RAB5C: variants seen among roughly 807,000 people sequenced by gnomAD.
The protein encoded by RAB5C is RAB5C, member RAS oncogene family.
RAB5C carries 4 observed loss-of-function variants against 25.2 expected under a neutral mutation model. The ratio of observed to expected loss-of-function variants is 0.16; its 90% CI spans 0.08 to 0.36. The LOEUF (loss-of-function observed/expected upper bound fraction) is 0.36. Ranked by LOEUF, RAB5C falls within the 10% of genes least tolerant of loss-of-function variation. The pLI is 1.00. For synonymous variants in RAB5C, 100 were observed against 106.4 expected (o/e 0.94, Z 0.37); for missense variants, 199 against 283.8 (o/e 0.70, Z 2.15).
chr17:42,131,568 G>A, intron 1 of RAB5C: 1 of 1,512,096 alleles, frequency 6.6e-7, no homozygotes, highest in Non-Finnish European at 8.9e-7. Flanking sequence ...CTCTGCCACA[G>A]TCAGCACAGC....
intron 1 of RAB5C, among the ~76,000 whole-genome samples, chr17:42,144,925 C>CAAAAAAAAAAA (rs544870361): frequency 1.6e-4 from 5 of 31,104 alleles, no homozygotes; most frequent in Non-Finnish European, 3.3e-4. Context: ...GACTCCGTCT[C>CAAAAAAAAAAA]AAAAAAAAAA....
intron 1 of RAB5C, 146 bp downstream of exon 1, chr17:42,154,747 C>A (rs1240415988): frequency 6.6e-6 from 1 of 152,412 alleles, no homozygotes; most frequent in East Asian, 1.9e-4. Flanking sequence ...TCCTATGGCC[C>A]GACGCCTGGG....
At chr17:42,126,460 G>A (rs149565089) in intron 5 of RAB5C, 63 of 204,404 alleles carry the variant, frequency 3.1e-4, no homozygotes, top group South Asian at 3.4e-4. Context: ...GTGAAACCCC[G>A]TCTCTACCAA....
chr17:42,125,696 C>A lies in RAB5C; in HGVS notation c.*87G>T, dbSNP rs1229402406. On this transcript the variant is annotated 3_prime_UTR_variant, in exon 6 of 6. Coordinates refer to ENST00000346213, the MANE Select transcript of RAB5C (RefSeq NM_004583.4). ...TCCCCCTGCCCCCCCAGTGGTGGCC[C>A]GAGTCGTTAAGTGCGATTGGTTAGA... 11 of 919,588 alleles carry A rather than the reference C, an allele frequency of 1.2e-5. No homozygotes were observed. Among genetic ancestry groups the A allele is most frequent in the East Asian group, 2.7e-5 (1 of 37,628 alleles). 57.0% of individuals were successfully genotyped at this position (919,588 alleles called of 1,614,324 possible). A position where few individuals can be genotyped will look rare whatever the true frequency, so the allele number is the denominator to read the frequency against.
At chr17:42,141,557 A>T (rs997919467) in intron 1 of RAB5C, among the ~76,000 whole-genome samples, 2 of 152,132 alleles carry the variant, frequency 1.3e-5, no homozygotes, top group African/African-American at 4.8e-5. Context: ...GGGTCCCCTA[A>T]CAGAGCCACA....
At chr17:42,144,513 T>C (rs1167731585) in intron 1 of RAB5C, among the ~76,000 whole-genome samples, 1 of 150,130 alleles carries the variant, frequency 6.7e-6, no homozygotes, top group African/African-American at 2.5e-5. Flanking sequence ...GTCTCTCATA[T>C]AGAAGAATTT....
intron 1 of RAB5C, among the ~76,000 whole-genome samples, chr17:42,148,593 A>C (rs757401502): frequency 3.9e-5 from 6 of 152,210 alleles, no homozygotes; most frequent in Non-Finnish European, 8.8e-5. Flanking sequence ...CACCCACCAG[A>C]GAATGAGGCA....
intron 3 of RAB5C, 51 bp downstream of exon 3, chr17:42,128,598 G>C (rs1198733149): frequency 7.0e-7 from 1 of 1,434,278 alleles, no homozygotes; most frequent in Non-Finnish European, 9.2e-7. Context: ...CCCAATCCCT[G>C]GGACTTTGAG....
chr17:42,133,735 C>T (rs1454044370), intron 1 of RAB5C, among the ~76,000 whole-genome samples: 1 of 152,224 alleles, frequency 6.6e-6, no homozygotes, highest in Non-Finnish European at 1.5e-5. Context: ...CCTCAGTGTT[C>T]TCATCACTAA....
At chr17:42,144,246 C>G (rs781626164) in intron 1 of RAB5C, among the ~76,000 whole-genome samples, 4 of 147,468 alleles carry the variant, frequency 2.7e-5, no homozygotes, top group Admixed American at 6.8e-5. Context: ...CACCTGAGGC[C>G]TGGAGCTTGA....
Position 42,125,504 on chromosome 17 carries a change from T to G in RAB5C, c.*279A>C. On this transcript the variant is annotated 3_prime_UTR_variant, in exon 6 of 6. Coordinates refer to ENST00000346213, the MANE Select transcript of RAB5C (RefSeq NM_004583.4). ...TGTGGCTACTCCCAGCAAGGGAAAA[T>G]GGGAGAGCAGTAGAAAGGGGAGGAA... 1.1e-5 allele frequency: 4 copies of G among 358,796 alleles called. No individual in the cohort carries two copies. Among genetic ancestry groups the G allele is most frequent in the South Asian group, 3.7e-5 (1 of 26,958 alleles). The allele number at this position is 358,796 out of a possible 1,614,324, so 22.2% of individuals were successfully genotyped here. A position where few individuals can be genotyped will look rare whatever the true frequency, so the allele number is the denominator to read the frequency against.
chr17:42,151,111 C>T (rs77762839), intron 1 of RAB5C, among the ~76,000 whole-genome samples: 1 of 152,262 alleles, frequency 6.6e-6, no homozygotes, highest in Non-Finnish European at 1.5e-5. Flanking sequence ...TTCCACCCGA[C>T]CACACTGCCT....
intron 1 of RAB5C, among the ~76,000 whole-genome samples, chr17:42,135,639 G>A (rs2054529214): frequency 6.6e-6 from 1 of 152,052 alleles, no homozygotes; most frequent in Admixed American, 6.6e-5. Flanking sequence ...ATGTGGGAGG[G>A]GTCTTCAGCT....
rs112803909 is a variant in RAB5C, at chr17:42,142,547, C to T, written c.-88-11957G>A. 1.8e-3 allele frequency among the ~76,000 whole-genome samples: 269 copies of T among 152,322 alleles called. 2 individuals are homozygous for T. Among genetic ancestry groups the T allele is most frequent in the African/African-American group, 6.0e-3 (249 of 41,564 alleles). ...CACGCTGTCTGAGCAGCTCAGAGAG[C>T]AATCTGATGTCTAGGAGAGCAGCCA... On this transcript the variant is annotated intron_variant, in intron 1 of 5. Transcript: ENST00000346213.
chr17:42,146,943 T>C (rs181931008), intron 1 of RAB5C, among the ~76,000 whole-genome samples: 1 of 151,368 alleles, frequency 6.6e-6, no homozygotes, highest in African/African-American at 2.4e-5. Flanking sequence ...GAGCTTGCAG[T>C]GAGCCGAGAT....
intron 1 of RAB5C, among the ~76,000 whole-genome samples, chr17:42,147,054 AAAAGAAAGAAAGAAAGAAAAAG>A (rs968965541): frequency 1.3e-5 from 2 of 150,874 alleles, no homozygotes; most frequent in Non-Finnish European, 2.9e-5. Context: ...GAAAGACAGA[AAAAGAAAGAAAGAAAGAAAAAG>A]AAAGAAAGAA....
intron 1 of RAB5C, among the ~76,000 whole-genome samples, chr17:42,153,454 T>TA (rs2079685131): frequency 6.6e-6 from 1 of 151,998 alleles, no homozygotes; most frequent in Non-Finnish European, 1.5e-5. Context: ...AAGTACATCC[T>TA]AGCTCTACTC....
chr17:42,130,668 T>C, intron 1 of RAB5C, 78 bp from the exon 2 acceptor site: 2 of 1,443,530 alleles, frequency 1.4e-6, no homozygotes, highest in South Asian at 1.4e-5. Context: ...TACAGATCTT[T>C]CCCTCTGGCC....
intron 1 of RAB5C, among the ~76,000 whole-genome samples, chr17:42,138,102 A>C (rs1200473826): frequency 6.6e-6 from 1 of 152,218 alleles, no homozygotes; most frequent in African/African-American, 2.4e-5. Context: ...AATAATAAAG[A>C]GAAACTGATA....
Sources: gnomAD v4.1 joint callset for allele counts (sites outside exome capture counted in the v4.1 genomes callset) on GRCh38, gnomAD v4.1.1 for gene constraint, MANE v1.5 for transcripts, NCBI Gene and HGNC (gene_info 2026-07-23, HGNC 2026-07-21) for gene names.